The following AUTS2 variants were observed in gnomAD, a reference collection of about 807,000 sequenced individuals.
The protein encoded by AUTS2 is autism susceptibility gene 2 protein.
AUTS2 carries 17 observed loss-of-function variants against 112.4 expected under a neutral mutation model. The ratio of observed to expected loss-of-function variants is 0.15; its 90% confidence interval spans 0.10 to 0.23. The LOEUF (loss-of-function observed/expected upper bound fraction) is 0.23. Ranked by LOEUF, AUTS2 falls within the 10% of genes least tolerant of loss-of-function variation. The pLI, the probability that AUTS2 is intolerant of heterozygous loss-of-function variation, is 1.00. For missense variants in AUTS2, 1,510 were observed against 1,701.6 expected (o/e 0.89, Z 1.98); for synonymous variants, 751 against 702.7 (o/e 1.07, Z -1.09).
chr7:70,664,028 A>G (rs1393141696), intron 5 of AUTS2, among the ~76,000 whole-genome samples: 1 of 152,164 alleles, frequency 6.6e-6, no homozygotes, highest in African/African-American at 2.4e-5. Context: ...GAAATTGTTG[A>G]GTTTGAGAGT....
At chr7:70,475,342 TC>T (rs1419004489) in intron 5 of AUTS2, among the ~76,000 whole-genome samples, 1 of 152,168 alleles carries the variant, frequency 6.6e-6, no homozygotes, top group Non-Finnish European at 1.5e-5. Flanking sequence ...AATGAAGTCT[TC>T]CCCAGCCAGA....
chr7:70,668,965 C>T (rs184288733), intron 5 of AUTS2, among the ~76,000 whole-genome samples: 5 of 152,314 alleles, frequency 3.3e-5, no homozygotes, highest in East Asian at 3.9e-4. Flanking sequence ...CAATCCCTTA[C>T]AGGCGAAGAG....
At chr7:70,661,198 A>G (rs1004268850) in intron 5 of AUTS2, among the ~76,000 whole-genome samples, 25 of 151,948 alleles carry the variant, frequency 1.6e-4, no homozygotes, top group African/African-American at 5.8e-4. Flanking sequence ...CTGAAATTCC[A>G]GGCAGAACAT....
At chr7:70,226,567 C>T (rs760358948) in intron 4 of AUTS2, among the ~76,000 whole-genome samples, 1 of 151,880 alleles carries the variant, frequency 6.6e-6, no homozygotes, top group Non-Finnish European at 1.5e-5. Context: ...GTATTCAGGC[C>T]ACTTCAGATA....
At chr7:70,399,228 G>C (rs932039615) in intron 4 of AUTS2, among the ~76,000 whole-genome samples, 9 of 151,826 alleles carry the variant, frequency 5.9e-5, no homozygotes, top group Admixed American at 4.6e-4. Context: ...GGATTCAAGC[G>C]ATCCTCCTAC....
intron 2 of AUTS2, among the ~76,000 whole-genome samples, chr7:70,049,740 A>G (rs1002326649): frequency 1.5e-4 from 23 of 152,090 alleles, no homozygotes; most frequent in African/African-American, 4.6e-4. Flanking sequence ...ACAGTGGTTC[A>G]TATCTGTAAT....
At chr7:69,884,229 A>G (rs1019261586) in intron 1 of AUTS2, among the ~76,000 whole-genome samples, 12 of 152,260 alleles carry the variant, frequency 7.9e-5, no homozygotes, top group African/African-American at 2.4e-4. Flanking sequence ...CTCATTGTGG[A>G]CAGCTCTTAC....
intron 1 of AUTS2, among the ~76,000 whole-genome samples, chr7:69,644,607 C>T (rs895612571): frequency 1.4e-4 from 22 of 151,922 alleles, no homozygotes; most frequent in Non-Finnish European, 2.8e-4. Flanking sequence ...ACATTTCTGA[C>T]TTTGGTAAAC....
intron 5 of AUTS2, among the ~76,000 whole-genome samples, chr7:70,560,971 G>A (rs117009501): frequency 2.0e-5 from 3 of 152,058 alleles, no homozygotes; most frequent in Non-Finnish European, 2.9e-5. Context: ...GTAAATCATC[G>A]TATTGGTCCT....
At chr7:70,220,817 T>C (rs559052617) in intron 4 of AUTS2, among the ~76,000 whole-genome samples, 1 of 152,350 alleles carries the variant, frequency 6.6e-6, no homozygotes, top group South Asian at 2.1e-4. Context: ...TCATGTCTTC[T>C]CATGAAAATT....
chr7:70,585,868 A>T (rs4997566), intron 5 of AUTS2, among the ~76,000 whole-genome samples: 119,265 of 141,328 alleles, frequency 0.84, 48,620 homozygotes, highest in Non-Finnish European at 0.89. Flanking sequence ...ATGTATGTAT[A>T]TATGTATGTT....
intron 1 of AUTS2, among the ~76,000 whole-genome samples, chr7:69,793,802 A>G (rs546260619): frequency 6.6e-6 from 1 of 152,218 alleles, no homozygotes; most frequent in African/African-American, 2.4e-5. Context: ...AAAGCTTCCT[A>G]CATGATTTTA....
At chr7:70,659,705 C>CTTCTTTA (rs776179032) in intron 5 of AUTS2, among the ~76,000 whole-genome samples, 6 of 152,184 alleles carry the variant, frequency 3.9e-5, no homozygotes, top group African/African-American at 7.2e-5. Context: ...CTTTGTGGCG[C>CTTCTTTA]TTCTTTATTT....
At position 70,274,450 on chromosome 7, in the gene AUTS2, A is replaced by G. The variant is rs375158559; in HGVS notation, c.660+139879A>G. Reference sequence around the variant, plus strand: ...GCCTGGACCTCAGGCATGCACCACCATGCCCAGCTAACTTTTGTATTTTTT... The same window carrying G: ...GCCTGGACCTCAGGCATGCACCACCGTGCCCAGCTAACTTTTGTATTTTTT... On this transcript the variant is annotated intron_variant, in intron 4 of 18. Transcript: ENST00000342771. Among the ~76,000 whole-genome samples, 85 of 152,038 alleles carry G rather than the reference A, an allele frequency of 5.6e-4. No individual in the cohort carries two copies. In the East Asian group the frequency reaches 9.7e-3, roughly 17 times the overall value.
intron 1 of AUTS2, among the ~76,000 whole-genome samples, chr7:69,844,887 C>T (rs893936212): frequency 2.6e-5 from 4 of 152,108 alleles, no homozygotes; most frequent in Admixed American, 2.0e-4. Context: ...TCTCTCAGTC[C>T]TATAAAATTA....
chr7:69,804,270 C>T (rs1297992401), intron 1 of AUTS2, among the ~76,000 whole-genome samples: 2 of 152,162 alleles, frequency 1.3e-5, no homozygotes, highest in Non-Finnish European at 2.9e-5. Flanking sequence ...GTCACGTACA[C>T]ATCTGTAGTT....
intron 1 of AUTS2, among the ~76,000 whole-genome samples, chr7:69,834,675 C>T (rs1164544848): frequency 8.5e-5 from 13 of 152,180 alleles, no homozygotes; most frequent in Non-Finnish European, 1.6e-4. Context: ...AAAACTCAAA[C>T]CAAGCCTTGA....
At chr7:70,539,089 AT>A (rs1800439743) in intron 5 of AUTS2, among the ~76,000 whole-genome samples, 1 of 152,168 alleles carries the variant, frequency 6.6e-6, no homozygotes, top group Non-Finnish European at 1.5e-5. Context: ...GGATTCTATG[AT>A]TCCACGCCCC....
intron 2 of AUTS2, among the ~76,000 whole-genome samples, chr7:69,967,872 G>C (rs1478227975): frequency 1.3e-5 from 2 of 152,154 alleles, no homozygotes; most frequent in African/African-American, 4.8e-5. Flanking sequence ...CATGTTGATG[G>C]GCTCCTCTGG....
Sources: allele counts gnomAD v4.1 joint callset (sites outside exome capture counted in the v4.1 genomes callset), GRCh38; gene constraint gnomAD v4.1.1; transcripts MANE v1.5; gene names NCBI Gene and HGNC (gene_info 2026-07-23, HGNC 2026-07-21).